The following COL25A1 variants were observed in gnomAD, a reference collection of about 807,000 sequenced individuals.
COL25A1 encodes collagen alpha-1(XXV) chain.
A neutral mutation model predicts 128.4 loss-of-function variants in COL25A1; 103 were observed. The ratio of observed to expected loss-of-function variants is 0.80; its 90% CI spans 0.68 to 0.94. The LOEUF (loss-of-function observed/expected upper bound fraction) is 0.94. COL25A1 is among the 40% of genes least tolerant of loss of function. The pLI is 0.00. For missense variants in COL25A1, 745 were observed against 840.0 expected (o/e 0.89, Z 1.40); for synonymous variants, 279 against 277.2 (o/e 1.01, Z -0.06).
intron 3 of COL25A1, among the ~76,000 whole-genome samples, chr4:109,082,830 G>A (rs912617200): frequency 6.6e-6 from 1 of 151,980 alleles, no homozygotes; most frequent in East Asian, 1.9e-4. Context: ...TAAACTACTG[G>A]CATGGGGGTT....
intron 5 of COL25A1, among the ~76,000 whole-genome samples, chr4:109,041,016 A>T (rs1387776584): frequency 6.6e-6 from 1 of 152,078 alleles, no homozygotes; most frequent in African/African-American, 2.4e-5. Context: ...AACTGACTCT[A>T]AAAGTGTTAG....
intron 34 of COL25A1, among the ~76,000 whole-genome samples, chr4:108,824,820 C>T (rs968860413): frequency 6.6e-6 from 1 of 152,158 alleles, no homozygotes; most frequent in Non-Finnish European, 1.5e-5. Flanking sequence ...AAAAATATTG[C>T]ATAACTGCTT....
At chr4:109,251,082 C>T (rs918959405) in intron 3 of COL25A1, among the ~76,000 whole-genome samples, 2 of 151,946 alleles carry the variant, frequency 1.3e-5, no homozygotes, top group African/African-American at 4.8e-5. Context: ...TACTATGATA[C>T]GAAAGTGATA....
chr4:109,089,507 T>C (rs1033332031), intron 3 of COL25A1, among the ~76,000 whole-genome samples: 6 of 152,332 alleles, frequency 3.9e-5, no homozygotes, highest in Non-Finnish European at 7.4e-5. Flanking sequence ...AAGGTCAACA[T>C]CATTTCAGTT....
intron 3 of COL25A1, among the ~76,000 whole-genome samples, chr4:109,193,799 G>T (rs1220980217): frequency 6.6e-6 from 1 of 152,098 alleles, no homozygotes; most frequent in Non-Finnish European, 1.5e-5. Flanking sequence ...ATCAGGAAAA[G>T]ACGTCTTCTA....
At chr4:109,152,455 C>A (rs1186145020) in intron 3 of COL25A1, among the ~76,000 whole-genome samples, 2 of 152,106 alleles carry the variant, frequency 1.3e-5, no homozygotes, top group African/African-American at 4.8e-5. Context: ...ATTATTCTCC[C>A]CTGATAATAT....
chr4:109,093,096 A>C (rs1332401403), intron 3 of COL25A1, among the ~76,000 whole-genome samples: 1 of 152,122 alleles, frequency 6.6e-6, no homozygotes, highest in Non-Finnish European at 1.5e-5. Context: ...TCCAGGCCAG[A>C]ACAAAACAAG....
At chr4:108,935,976 A>G (rs1747355564) in intron 11 of COL25A1, among the ~76,000 whole-genome samples, 1 of 152,238 alleles carries the variant, frequency 6.6e-6, no homozygotes, top group African/African-American at 2.4e-5. Context: ...CCTGGGGACA[A>G]ACAAAGGCTC....
rs1730923535 is a variant in COL25A1 at position 108,813,025 on chromosome 4, A to G, written c.*902T>C. The G allele has an allele frequency of 6.6e-6, 1 of 152,206 alleles. No homozygotes were observed. The highest frequency in any genetic ancestry group is 2.4e-5 in the African/African-American group (1 of 41,450). 9.4% of individuals were successfully genotyped at this position (152,206 alleles called of 1,614,324 possible). On this transcript the variant is annotated 3_prime_UTR_variant, in exon 38 of 38. Transcript: ENST00000399132. ...TCAGTTTATTTATACATATTTTTAA[A>G]GTCTGTGGTTCTGCATGTTTGCATT...
chr4:108,954,068 A>G (rs78596671), intron 8 of COL25A1, among the ~76,000 whole-genome samples: 6,570 of 152,212 alleles, frequency 0.043, 360 homozygotes, highest in African/African-American at 0.13. Flanking sequence ...AACAGAAGAA[A>G]GTATAATTCC....
At chr4:109,165,931 A>G (rs1006842190) in intron 3 of COL25A1, among the ~76,000 whole-genome samples, 2 of 152,346 alleles carry the variant, frequency 1.3e-5, no homozygotes, top group Admixed American at 6.5e-5. Flanking sequence ...TATCTTTAGT[A>G]TCAAAAACAT....
chr4:109,017,606 T>G (rs898428084), intron 5 of COL25A1, among the ~76,000 whole-genome samples: 2 of 152,202 alleles, frequency 1.3e-5, no homozygotes, highest in South Asian at 2.1e-4. Context: ...TCTTTCCTTT[T>G]CAGATGAGAC....
chr4:109,091,889 GA>G (rs112748070), intron 3 of COL25A1, among the ~76,000 whole-genome samples: 220 of 152,270 alleles, frequency 1.4e-3, no homozygotes, highest in African/African-American at 4.8e-3. Flanking sequence ...AGTTTTCCAA[GA>G]TTCATTGAGA....
chr4:108,863,216 T>C, intron 21 of COL25A1, 103 bp downstream of exon 21: 1 of 1,028,420 alleles, frequency 9.7e-7, no homozygotes, highest in South Asian at 1.4e-5. Flanking sequence ...CTATTTGTGA[T>C]TTGGGCTGTT....
At chr4:109,018,358 G>A (rs2126059535) in intron 5 of COL25A1, among the ~76,000 whole-genome samples, 1 of 152,236 alleles carries the variant, frequency 6.6e-6, no homozygotes, top group East Asian at 1.9e-4. Context: ...CCAAGTAGCT[G>A]GGATTACAGG....
chr4:108,909,782 G>A (rs758960243), intron 13 of COL25A1, among the ~76,000 whole-genome samples: 1 of 152,110 alleles, frequency 6.6e-6, no homozygotes, highest in Non-Finnish European at 1.5e-5. Context: ...GAGTATGCAC[G>A]GTCACACAGA....
intron 3 of COL25A1, among the ~76,000 whole-genome samples, chr4:109,285,809 G>A (rs1374487510): frequency 4.6e-5 from 7 of 152,254 alleles, no homozygotes; most frequent in African/African-American, 1.4e-4. Flanking sequence ...ATTTACACCC[G>A]AAAAACTTGC....
At chr4:109,277,194 C>T (rs1168330357) in intron 3 of COL25A1, among the ~76,000 whole-genome samples, 1 of 152,136 alleles carries the variant, frequency 6.6e-6, no homozygotes, top group East Asian at 1.9e-4. Context: ...TTAGCCTTCT[C>T]CTTGTATCCC....
At chr4:109,019,904 G>A (rs1380154289) in intron 5 of COL25A1, among the ~76,000 whole-genome samples, 3 of 152,138 alleles carry the variant, frequency 2.0e-5, no homozygotes, top group Non-Finnish European at 4.4e-5. Flanking sequence ...TTACTTTCTA[G>A]TTTGATTTGG....
Sources: allele counts gnomAD v4.1 joint callset (sites outside exome capture counted in the v4.1 genomes callset), GRCh38; gene constraint gnomAD v4.1.1; transcripts MANE v1.5; gene names NCBI Gene and HGNC (gene_info 2026-07-23, HGNC 2026-07-21).